The following GNAT3 variants were observed in gnomAD, a reference collection of about 807,000 sequenced individuals.
The protein encoded by GNAT3 is guanine nucleotide-binding protein G(t) subunit alpha-3.
Under a neutral mutation model 37.7 loss-of-function variants are expected in GNAT3, and 31 were observed. The ratio of observed to expected loss-of-function variants is 0.82; its 90% CI spans 0.62 to 1.11. The LOEUF is 1.11. Among genes scored for constraint, GNAT3 ranks in the 50% most tolerant of loss-of-function variants. The pLI is 0.00. For missense variants in GNAT3, 437 were observed against 412.5 expected (o/e 1.06, Z -0.51); for synonymous variants, 138 against 139.8 (o/e 0.99, Z 0.09).
rs145119810 is a variant in GNAT3, at chr7:80,460,990, A to T, written c.874+1169T>A. Among the ~76,000 whole-genome samples the T allele has an allele frequency of 2.4e-3, 357 of 147,776 alleles. 11 individuals carry two copies. The East Asian group carries it at 0.061, about 25-fold the overall frequency. On this transcript the variant is annotated intron_variant, in intron 7 of 7. Coordinates refer to ENST00000398291, the MANE Select transcript of GNAT3 (RefSeq NM_001102386.3). ...ATAAGTCCTGTTATATATATAATAT[A>T]AAACCTTTAATTATGAGTTTATATT...
intron 1 of GNAT3, among the ~76,000 whole-genome samples, chr7:80,502,050 G>A (rs1216232535): frequency 2.0e-5 from 3 of 151,776 alleles, no homozygotes; most frequent in African/African-American, 7.3e-5. Context: ...TATTTATAGT[G>A]CCTATAGTTA....
intron 1 of GNAT3, among the ~76,000 whole-genome samples, chr7:80,507,657 G>C (rs771775742): frequency 9.9e-5 from 15 of 151,904 alleles, no homozygotes; most frequent in Admixed American, 7.9e-4. Flanking sequence ...TCCACCTCAG[G>C]TGATTTAAAA....
At chr7:80,478,628 T>A (rs1489255413) in intron 4 of GNAT3, among the ~76,000 whole-genome samples, 1 of 152,204 alleles carries the variant, frequency 6.6e-6, no homozygotes, top group East Asian at 1.9e-4. Flanking sequence ...TCAAACTTAG[T>A]TATTTAAAAT....
At chr7:80,480,989 T>G (rs1790383404) in intron 3 of GNAT3, among the ~76,000 whole-genome samples, 1 of 152,134 alleles carries the variant, frequency 6.6e-6, no homozygotes, top group African/African-American at 2.4e-5. Context: ...ACACTACCAG[T>G]GAAGTATGTT....
At chr7:80,469,384 T>C (rs1234828671) in intron 5 of GNAT3, among the ~76,000 whole-genome samples, 1 of 152,286 alleles carries the variant, frequency 6.6e-6, no homozygotes, top group East Asian at 1.9e-4. Context: ...TGTAAATACA[T>C]GTCTAAGTTA....
intron 3 of GNAT3, among the ~76,000 whole-genome samples, chr7:80,487,287 G>T (rs1403007663): frequency 6.6e-6 from 1 of 152,094 alleles, no homozygotes; most frequent in Non-Finnish European, 1.5e-5. Flanking sequence ...AAAGGATCTT[G>T]GAGTTCGACT....
chr7:80,506,679 G>A (rs1046709640), intron 1 of GNAT3, among the ~76,000 whole-genome samples: 2 of 151,932 alleles, frequency 1.3e-5, no homozygotes, highest in Admixed American at 6.6e-5. Context: ...TTAAACATTC[G>A]CATTAAGAAT....
At chr7:80,481,305 C>G (rs1211283260) in intron 3 of GNAT3, among the ~76,000 whole-genome samples, 1 of 152,132 alleles carries the variant, frequency 6.6e-6, no homozygotes, top group Non-Finnish European at 1.5e-5. Context: ...CCGCAACCAA[C>G]AGAAATCCCT....
At chr7:80,498,189 G>A (rs1324017188) in intron 1 of GNAT3, among the ~76,000 whole-genome samples, 2 of 151,958 alleles carry the variant, frequency 1.3e-5, no homozygotes, top group Admixed American at 1.3e-4. Context: ...ATGGCCATTT[G>A]GTAATCATAC....
chr7:80,483,474 C>G (rs544414918), intron 3 of GNAT3, among the ~76,000 whole-genome samples: 1 of 152,190 alleles, frequency 6.6e-6, no homozygotes, highest in East Asian at 1.9e-4. Flanking sequence ...AACGGCCAAA[C>G]TGATCGAACA....
At chr7:80,468,079 C>G (rs1288269271) in intron 5 of GNAT3, among the ~76,000 whole-genome samples, 1 of 151,900 alleles carries the variant, frequency 6.6e-6, no homozygotes, top group Non-Finnish European at 1.5e-5. Context: ...TTTTAAGTGA[C>G]AGTCGAACAC....
intron 5 of GNAT3, among the ~76,000 whole-genome samples, chr7:80,471,373 A>G (rs1468864888): frequency 6.6e-6 from 1 of 151,744 alleles, no homozygotes; most frequent in East Asian, 2.0e-4. Context: ...AATTAAGTTG[A>G]CACTCAGTAT....
chr7:80,496,784 A>G (rs1790724991), intron 1 of GNAT3, among the ~76,000 whole-genome samples: 1 of 151,832 alleles, frequency 6.6e-6, no homozygotes, highest in Non-Finnish European at 1.5e-5. Flanking sequence ...CATGATTTAC[A>G]ATGTTTTCTT....
In GNAT3 at chr7:80,471,412, AT is replaced by A. The variant is rs370873130; in HGVS notation, c.590+2838del. Among the ~76,000 whole-genome samples, 350 of 151,942 alleles carry A rather than the reference AT, an allele frequency of 2.3e-3. 17 individuals are homozygous for A. The South Asian group carries it at 0.069, about 30-fold the overall frequency. On this transcript the variant is annotated intron_variant, in intron 5 of 7. Coordinates refer to ENST00000398291, the MANE Select transcript of GNAT3 (RefSeq NM_001102386.3). ...CCACCACATACTCATAATTTTCAAA[AT>A]TTTATGATTGTTTATATTACTTTGT...
chr7:80,461,646 T>A (rs529327033), intron 7 of GNAT3, among the ~76,000 whole-genome samples: 1 of 151,928 alleles, frequency 6.6e-6, no homozygotes, highest in Non-Finnish European at 1.5e-5. Context: ...CTGTGGGATT[T>A]CACACTTACA....
intron 3 of GNAT3, among the ~76,000 whole-genome samples, chr7:80,484,706 CA>C (rs1271264169): frequency 6.6e-6 from 1 of 151,668 alleles, no homozygotes; most frequent in East Asian, 1.9e-4. Context: ...ACATAGGTAA[CA>C]AAAAAAGAGG....
At chr7:80,467,304 T>C (rs1038987562) in intron 5 of GNAT3, among the ~76,000 whole-genome samples, 3 of 152,152 alleles carry the variant, frequency 2.0e-5, no homozygotes, top group African/African-American at 7.2e-5. Context: ...TCTCATTTTA[T>C]GACTCATTTG....
At chr7:80,471,072 C>T (rs1256419338) in intron 5 of GNAT3, among the ~76,000 whole-genome samples, 1 of 150,158 alleles carries the variant, frequency 6.7e-6, no homozygotes, top group Non-Finnish European at 1.5e-5. Flanking sequence ...GGAGGCTGGC[C>T]TAGCCTCCCA....
intron 3 of GNAT3, among the ~76,000 whole-genome samples, chr7:80,485,535 A>G (rs1295142243): frequency 6.6e-6 from 1 of 152,116 alleles, no homozygotes; most frequent in Non-Finnish European, 1.5e-5. Flanking sequence ...TTGAAATAGC[A>G]TATTTGTAGT....
Sources: allele counts gnomAD v4.1 joint callset (sites outside exome capture counted in the v4.1 genomes callset), GRCh38; gene constraint gnomAD v4.1.1; transcripts MANE v1.5; gene names NCBI Gene and HGNC (gene_info 2026-07-23, HGNC 2026-07-21).